LRRC69: variants seen among roughly 807,000 people sequenced by gnomAD.
LRRC69 encodes leucine rich repeat containing 69.
Under a neutral mutation model 37.8 loss-of-function variants are expected in LRRC69, and 42 were observed. The observed-to-expected ratio is 1.11, with a 90% CI of 0.87 to 1.44. The LOEUF (loss-of-function observed/expected upper bound fraction) is 1.44, where lower values mean the gene tolerates loss of function less well. Ranked by LOEUF, LRRC69 falls within the 40% of genes most tolerant of loss-of-function variation. LRRC69 has a pLI of 0.00. For missense variants in LRRC69, 357 were observed against 401.9 expected, an observed-to-expected ratio of 0.89 and a Z score of 0.96; for synonymous variants, 141 against 143.1, an observed-to-expected ratio of 0.99 and a Z score of 0.11.
chr8:91,118,487 C>A, intron 1 of LRRC69: 1 of 292,850 alleles, frequency 3.4e-6, no homozygotes, highest in Non-Finnish European at 6.6e-6. Context: ...CGAGATCATG[C>A]CAATGCACGC....
chr8:91,172,209 C>G (rs1235695841), intron 5 of LRRC69, among the ~76,000 whole-genome samples: 1 of 151,918 alleles, frequency 6.6e-6, no homozygotes, highest in Non-Finnish European at 1.5e-5. Flanking sequence ...AATAAAAATG[C>G]TTCTATAAAG....
chr8:91,153,615 C>T (rs1450136809), intron 5 of LRRC69, among the ~76,000 whole-genome samples: 1 of 151,846 alleles, frequency 6.6e-6, no homozygotes, highest in Non-Finnish European at 1.5e-5. Flanking sequence ...TGAATGACTC[C>T]TGAGTAAATA....
intron 1 of LRRC69, among the ~76,000 whole-genome samples, chr8:91,110,454 A>G (rs1239205469): frequency 6.6e-6 from 1 of 152,070 alleles, no homozygotes; most frequent in Non-Finnish European, 1.5e-5. Flanking sequence ...AGCCTTACCA[A>G]CATGGTGAAA....
At chr8:91,200,730 A>G in exon 7 of LRRC69, 3 of 1,539,968 alleles carry the variant, frequency 1.9e-6, no homozygotes, top group Non-Finnish European at 2.6e-6. Flanking sequence ...AACATGTGCA[A>G]TATGTGGACA....
intron 1 of LRRC69, among the ~76,000 whole-genome samples, 193 bp downstream of exon 1, chr8:91,103,037 G>A (rs770552728): frequency 6.6e-6 from 1 of 152,232 alleles, no homozygotes; most frequent in Non-Finnish European, 1.5e-5. Context: ...GGTAGGGAGA[G>A]ATGTTTCAAT....
At chr8:91,153,114 CAA>C (rs1323288008) in intron 5 of LRRC69, among the ~76,000 whole-genome samples, 1 of 150,546 alleles carries the variant, frequency 6.6e-6, no homozygotes, top group South Asian at 2.1e-4. Context: ...CAACAAAAAT[CAA>C]AAAAGAAAAG....
At chr8:91,117,410 T>A (rs1813529287) in intron 1 of LRRC69, among the ~76,000 whole-genome samples, 1 of 151,910 alleles carries the variant, frequency 6.6e-6, no homozygotes, top group Non-Finnish European at 1.5e-5. Context: ...AGAAAGATGT[T>A]CTAGGTAGCT....
chr8:91,198,346 C>A (rs374168644), intron 6 of LRRC69, among the ~76,000 whole-genome samples: 1 of 152,096 alleles, frequency 6.6e-6, no homozygotes, highest in Non-Finnish European at 1.5e-5. Context: ...CCAAATATGA[C>A]CACACAGCAA....
rs142449376 is a variant in LRRC69 at position 91,210,082 on chromosome 8, A to G, written c.934-8808A>G. Reference sequence around the variant, plus strand: ...TATGGAGTCATAGACAGAACCAACAACGACTTTGGTGGAGGCTAAAAGGTA... The same window carrying G: ...TATGGAGTCATAGACAGAACCAACAGCGACTTTGGTGGAGGCTAAAAGGTA... On this transcript the variant is annotated intron_variant, in intron 7 of 7. Coordinates refer to ENST00000448384, the Ensembl canonical transcript of LRRC69. Among the ~76,000 whole-genome samples, 28 of 152,298 alleles carry G rather than the reference A, an allele frequency of 1.8e-4. No individual in the cohort carries two copies. The East Asian group carries it at 5.0e-3, about 27-fold the overall frequency.
At chr8:91,149,992 A>G (rs796606070) in intron 5 of LRRC69, among the ~76,000 whole-genome samples, 6 of 151,480 alleles carry the variant, frequency 4.0e-5, no homozygotes, top group South Asian at 2.1e-4. Context: ...GGGCTGAGAC[A>G]ATGGGGTTTT....
chr8:91,216,648 A>G (rs1305719833), intron 7 of LRRC69, among the ~76,000 whole-genome samples: 1 of 152,126 alleles, frequency 6.6e-6, no homozygotes, highest in Non-Finnish European at 1.5e-5. Flanking sequence ...TGGAAAAGGA[A>G]AAGACCATAT....
intron 2 of LRRC69, 74 bp downstream of exon 2, chr8:91,124,693 T>C: frequency 1.5e-6 from 2 of 1,295,122 alleles, no homozygotes; most frequent in Non-Finnish European, 2.1e-6. Flanking sequence ...GAGACTGAAA[T>C]GAAAAAGAAT....
chr8:91,206,670 C>G, intron 7 of LRRC69: 2 of 1,289,114 alleles, frequency 1.6e-6, no homozygotes, highest in South Asian at 2.5e-5. Context: ...TGCTGCTACT[C>G]TTATTTCATG....
chr8:91,159,582 A>C (rs1013439625), intron 5 of LRRC69, among the ~76,000 whole-genome samples: 1 of 151,248 alleles, frequency 6.6e-6, no homozygotes, highest in African/African-American at 2.4e-5. Flanking sequence ...TCAACAAAAA[A>C]ATGGGAACAA....
intron 5 of LRRC69, among the ~76,000 whole-genome samples, chr8:91,164,253 A>G (rs1010000641): frequency 3.3e-5 from 5 of 151,586 alleles, no homozygotes; most frequent in African/African-American, 1.2e-4. Flanking sequence ...GGCAGTAAAT[A>G]TGGAAGGTTC....
chr8:91,148,497 C>G lies in LRRC69; in HGVS notation c.651+12758C>G, dbSNP rs372893519. Among the ~76,000 whole-genome samples the G allele has an allele frequency of 5.9e-4, 89 of 151,912 alleles. 2 individuals carry two copies. In the East Asian group the frequency reaches 0.014, roughly 23 times the overall value. On this transcript the variant is annotated intron_variant, in intron 5 of 7. Transcript: ENST00000448384. ...CAGTCTATCATTGTTGGACATTTGG[C>G]TTGGTTCCAAGTCTTTGCTATCGTG... is the stretch of plus-strand genomic sequence containing the variant.
intron 5 of LRRC69, among the ~76,000 whole-genome samples, chr8:91,145,749 T>G (rs1808609155): frequency 6.6e-6 from 1 of 151,870 alleles, no homozygotes; most frequent in Non-Finnish European, 1.5e-5. Context: ...ACTAAATGCT[T>G]TCCCTGTCAC....
At chr8:91,157,651 T>G in intron 5 of LRRC69, 2 of 1,582,914 alleles carry the variant, frequency 1.3e-6, no homozygotes, top group Non-Finnish European at 8.6e-7. Context: ...GCACTGGACT[T>G]TTAATGTTGA....
chr8:91,171,195 G>A (rs1483877889), intron 5 of LRRC69, among the ~76,000 whole-genome samples: 4 of 151,958 alleles, frequency 2.6e-5, no homozygotes, highest in African/African-American at 9.7e-5. Flanking sequence ...GCTGAATCGT[G>A]TTTCTCAACC....
Sources: gnomAD v4.1 joint callset for allele counts (sites outside exome capture counted in the v4.1 genomes callset) on GRCh38, gnomAD v4.1.1 for gene constraint, MANE v1.5 for transcripts, NCBI Gene and HGNC (gene_info 2026-07-23, HGNC 2026-07-21) for gene names.